Variants in TMEM63B observed in about 807,000 individuals in gnomAD.
TMEM63B encodes mechanosensitive cation channel TMEM63B.
In TMEM63B, 23 loss-of-function variants were observed where a neutral mutation model predicts 102.6. The ratio of observed to expected loss-of-function variants is 0.22; its 90% confidence interval spans 0.16 to 0.32. The LOEUF is 0.32. TMEM63B is among the 10% of genes least tolerant of loss of function. The probability of loss-of-function intolerance (pLI) is 1.00; values close to 1 mark genes in which losing one functional copy is unlikely to be tolerated. For missense variants in TMEM63B, 628 were observed against 1,095.9 expected (o/e 0.57, Z 6.03); for synonymous variants, 444 against 437.0 (o/e 1.02, Z -0.20).
chr6:44,134,886 G>C, intron 2 of TMEM63B, 131 bp from the exon 3 acceptor site: 12 of 1,487,130 alleles, frequency 8.1e-6, no homozygotes, highest in Non-Finnish European at 1.1e-5. Context: ...CCCAAGCCTC[G>C]CCTTTGACCA....
Position 44,152,739 on chromosome 6 carries a change from G to T in TMEM63B, c.1942+41G>T, listed in dbSNP as rs1336130433. On this transcript the variant is annotated intron_variant, in intron 20 of 23. Coordinates refer to ENST00000323267, the MANE Select transcript of TMEM63B (RefSeq NM_018426.3). The surrounding 1 kb of genome is among the most constrained non-coding windows in gnomAD (Gnocchi z 6.4). Reference sequence around the variant, plus strand: ...CCGGGACCTGGGCCCTGCTCGGGGGGACCCAGGACTTCACCCTCTCCACTC... The same window carrying T: ...CCGGGACCTGGGCCCTGCTCGGGGGTACCCAGGACTTCACCCTCTCCACTC... 1.3e-6 allele frequency: 2 copies of T among 1,524,348 alleles called. No homozygotes were observed. Among genetic ancestry groups the T allele is most frequent in the Non-Finnish European group, 1.8e-6 (2 of 1,110,844 alleles). The allele number at this position is 1,524,348 out of a possible 1,614,324, so 94.4% of individuals were successfully genotyped here. A position where few individuals can be genotyped will look rare whatever the true frequency, so the allele number is the denominator to read the frequency against.
intron 1 of TMEM63B, among the ~76,000 whole-genome samples, chr6:44,131,576 GGGCGTGGT>G (rs1477964511): frequency 9.2e-5 from 14 of 152,134 alleles, no homozygotes; most frequent in African/African-American, 1.4e-4. Context: ...AAAATTAGCT[GGGCGTGGT>G]GGCATGTGTC....
Position 44,135,689 on chromosome 6 carries a change from C to T in TMEM63B, c.278+323C>T, listed in dbSNP as rs533902283. Among the ~76,000 whole-genome samples, 5 of 152,316 alleles carry T rather than the reference C, an allele frequency of 3.3e-5. No homozygotes were observed. The East Asian group carries it at 9.7e-4, about 29-fold the overall frequency. ...AATCCTCAGCACAATCACGTAGAGA[C>T]AAGATTGGGTGTCACCAGCAGCTTC... On this transcript the variant is annotated intron_variant, in intron 4 of 23. Coordinates refer to ENST00000323267, the MANE Select transcript of TMEM63B (RefSeq NM_018426.3).
At chr6:44,133,556 C>T (rs770279795) in intron 1 of TMEM63B, among the ~76,000 whole-genome samples, 3 of 152,200 alleles carry the variant, frequency 2.0e-5, no homozygotes, top group Non-Finnish European at 2.9e-5. Context: ...CACACTTCTC[C>T]GCTATCCTGG....
In TMEM63B at chr6:44,152,142, C is replaced by A. The variant is rs111275726; in HGVS notation, c.1836+134C>A. The A allele has an allele frequency of 0.02, 22,640 of 1,142,470 alleles. 330 individuals are homozygous for A. The highest frequency in any genetic ancestry group is 0.061 in the Middle Eastern group (204 of 3,350). 70.8% of individuals were successfully genotyped at this position (1,142,470 alleles called of 1,614,324 possible). On this transcript the variant is annotated intron_variant, in intron 19 of 23. Coordinates refer to ENST00000323267, the MANE Select transcript of TMEM63B (RefSeq NM_018426.3). The surrounding 1 kb of genome is among the most constrained non-coding windows in gnomAD (Gnocchi z 6.4). The stretch of plus-strand genomic sequence containing the variant: ...GGAGTACAGTTGACTCACGGTGGAT[C>A]CGGGCCATCCCCTTCCCATATCTGG...
chr6:44,137,074 C>A (rs1007178636), intron 5 of TMEM63B, among the ~76,000 whole-genome samples: 1 of 152,156 alleles, frequency 6.6e-6, no homozygotes, highest in Non-Finnish European at 1.5e-5. Flanking sequence ...AATAATAAGC[C>A]CTCCAGCCCT....
At position 44,134,546 on chromosome 6, in the gene TMEM63B, C is replaced by G; in HGVS notation, c.-24-15C>G. ...ATGGGGGCAAGCCCAGCTGACTGCTCCACCCTCTGCCCAGGAGGACCATGC... is the reference window on the plus strand; with the variant it reads ...ATGGGGGCAAGCCCAGCTGACTGCTGCACCCTCTGCCCAGGAGGACCATGC... On this transcript the variant is annotated splice_polypyrimidine_tract_variant and intron_variant, in intron 1 of 23. Transcript: ENST00000323267. 1 of 1,607,196 alleles carries G rather than the reference C, an allele frequency of 6.2e-7. No individual in the cohort carries two copies. The highest frequency in any genetic ancestry group is 8.5e-7 in the Non-Finnish European group (1 of 1,175,840).
At position 44,136,393 on chromosome 6, in the gene TMEM63B, G is replaced by A. The variant is rs766375617; in HGVS notation, c.323G>A (p.Arg108His). ...MHGDSHDRYE[R>H]LTSVSSSVDF... ...GGGGACAGCCATGACCGGTATGAGC[G>A]TCTCACCTCTGTCTCCAGCTCCGTT... Residue 108 changes from arginine (R) to histidine (H), a missense_variant, in exon 5 of 24, where the codon CGT becomes CAT. By Grantham distance (29) the Arg-to-His change is conservative. This residue lies in a region of TMEM63B where 336 missense variants were observed against 580.3 expected (regional missense o/e 0.58). Transcript: ENST00000323267. 8 of 1,614,050 alleles carry A rather than the reference G, an allele frequency of 5.0e-6. No individual in the cohort carries two copies. Among genetic ancestry groups the A allele is most frequent in the Admixed American group, 3.3e-5 (2 of 60,016 alleles).
intron 12 of TMEM63B, among the ~76,000 whole-genome samples, chr6:44,147,707 T>C (rs1765708119): frequency 6.6e-6 from 1 of 152,250 alleles, no homozygotes; most frequent in Admixed American, 6.5e-5. Context: ...AATGTTGTGC[T>C]GTACCCACTG....
Position 44,154,458 on chromosome 6 carries a change from A to T in TMEM63B, c.2307+13A>T. On this transcript the variant is annotated intron_variant, in intron 23 of 23. Coordinates refer to ENST00000323267, the MANE Select transcript of TMEM63B (RefSeq NM_018426.3). ...CCCCAAATCTGCGGTGAGTGCCCTC[A>T]AGGGTTGGGAGGGGCCTCTGACAGA... 6.2e-6 allele frequency: 10 copies of T among 1,613,808 alleles called. No homozygotes were observed. The highest frequency in any genetic ancestry group is 8.5e-6 in the Non-Finnish European group (10 of 1,179,878).
At chr6:44,153,964 C>T (rs1582835097) in intron 21 of TMEM63B, 109 bp from the exon 22 acceptor site, 3 of 1,553,726 alleles carry the variant, frequency 1.9e-6, no homozygotes, top group African/African-American at 2.7e-5. Context: ...GAGGCTGGGG[C>T]CAGTCTGTAG....
At chr6:44,130,524 G>T (rs952838677) in intron 1 of TMEM63B, among the ~76,000 whole-genome samples, 4 of 140,436 alleles carry the variant, frequency 2.8e-5, no homozygotes, top group African/African-American at 1.1e-4. Flanking sequence ...CTGCAGCCTG[G>T]AACTCCCTGG....
At chr6:44,142,431 G>A (rs1764481371) in intron 10 of TMEM63B, among the ~76,000 whole-genome samples, 1 of 152,162 alleles carries the variant, frequency 6.6e-6, no homozygotes, top group South Asian at 2.1e-4. Context: ...TCAGGAGGCT[G>A]AGGCAGAAGA....
In TMEM63B at chr6:44,148,314, G is replaced by A; in HGVS notation, c.1050G>A (p.Glu350=). Residue 350 remains glutamate, a synonymous_variant, in exon 13 of 24, where the codon GAG becomes GAA. Coordinates refer to ENST00000323267, the MANE Select transcript of TMEM63B (RefSeq NM_018426.3). The surrounding 1 kb of genome is among the most constrained non-coding windows in gnomAD (Gnocchi z 5.1). ...EQKLKEDYKR[E]KEKVNEKPLG... ...AGCTGAAGGAAGACTACAAGCGGGA[G>A]AAGGAGAAGGTGAATGAGAAGCCTC... The A allele has an allele frequency of 6.2e-7, 1 of 1,614,246 alleles. No individual in the cohort carries two copies. The highest frequency in any genetic ancestry group is 8.5e-7 in the Non-Finnish European group (1 of 1,180,040).
chr6:44,140,208 T>A, intron 8 of TMEM63B, 44 bp from the exon 9 acceptor site: 1 of 1,504,804 alleles, frequency 6.6e-7, no homozygotes, highest in Non-Finnish European at 9.2e-7. Flanking sequence ...TCTGAGTGTG[T>A]CCTAGCCCCA....
At chr6:44,154,501 G>A in intron 23 of TMEM63B, 56 bp downstream of exon 23, 2 of 1,603,764 alleles carry the variant, frequency 1.2e-6, no homozygotes, top group Non-Finnish European at 1.7e-6. Flanking sequence ...TCAAAGCCCA[G>A]TGTTCCCTTA....
At chr6:44,128,481 C>CAA (rs1226360171) in intron 1 of TMEM63B, among the ~76,000 whole-genome samples, 1 of 152,250 alleles carries the variant, frequency 6.6e-6, no homozygotes, top group Admixed American at 6.5e-5. Context: ...CGGACAGTCC[C>CAA]AAAGCTTGGC....
intron 1 of TMEM63B, among the ~76,000 whole-genome samples, chr6:44,131,888 T>G (rs1371523303): frequency 6.6e-6 from 1 of 152,196 alleles, no homozygotes; most frequent in Non-Finnish European, 1.5e-5. Flanking sequence ...CTAGAGAAAC[T>G]GGGATATAGC....
chr6:44,151,022 T>C (rs1173017401), intron 18 of TMEM63B, among the ~76,000 whole-genome samples: 1 of 152,106 alleles, frequency 6.6e-6, no homozygotes, highest in Non-Finnish European at 1.5e-5. Context: ...GTCTTGGTGA[T>C]ACTTAGGGAG....
Sources: allele counts gnomAD v4.1 joint callset (sites outside exome capture counted in the v4.1 genomes callset), GRCh38; gene constraint gnomAD v4.1.1; regional missense constraint gnomAD v4.1.1; non-coding constraint Gnocchi (gnomAD v3.1); transcripts MANE v1.5; gene names NCBI Gene and HGNC (gene_info 2026-07-23, HGNC 2026-07-21).